PRSS23: variants seen among roughly 807,000 people sequenced by gnomAD.
PRSS23 encodes serine protease 23.
In PRSS23, 25 loss-of-function variants were observed where a neutral mutation model predicts 34.7. The observed-to-expected ratio is 0.72, with a 90% CI of 0.53 to 1.01. PRSS23 has a LOEUF of 1.01. Among genes scored for constraint, PRSS23 ranks in the 50% least tolerant of loss-of-function variants. The pLI is 0.00. For synonymous variants in PRSS23, 176 were observed against 186.6 expected (o/e 0.94, Z 0.46); for missense variants, 445 against 475.6 (o/e 0.94, Z 0.60).
chr11:86,911,800 C>T (rs2134994169), intron 2 of PRSS23: 1 of 152,578 alleles, frequency 6.6e-6, no homozygotes, highest in African/African-American at 2.4e-5. Flanking sequence ...GTGACAGGGT[C>T]TTGCTCTGTT....
At chr11:86,861,384 T>A (rs897226627) in intron 2 of PRSS23, among the ~76,000 whole-genome samples, 1 of 151,880 alleles carries the variant, frequency 6.6e-6, no homozygotes, top group African/African-American at 2.4e-5. Flanking sequence ...GTTTGCAATA[T>A]CCAGGAAGGG....
intron 2 of PRSS23, among the ~76,000 whole-genome samples, chr11:86,891,139 CTG>C (rs1422656220): frequency 6.6e-6 from 1 of 152,166 alleles, no homozygotes; most frequent in Non-Finnish European, 1.5e-5. Context: ...TGTAATCAGA[CTG>C]AGCCTGTGAG....
At chr11:86,796,210 A>G (rs552695875), upstream of PRSS23, among the ~76,000 whole-genome samples, 5 of 152,324 alleles carry the variant, frequency 3.3e-5, no homozygotes, top group East Asian at 9.7e-4. Flanking sequence ...CAGCAAAAGA[A>G]TGGGGCAGAC....
chr11:86,949,964 C>T (rs1354363956), intron 2 of PRSS23: 1 of 152,382 alleles, frequency 6.6e-6, no homozygotes, highest in African/African-American at 2.4e-5. Context: ...CTAAGTAGAC[C>T]AGATTCTGAT....
At chr11:86,864,986 A>C (rs530715469) in intron 2 of PRSS23, among the ~76,000 whole-genome samples, 1 of 152,230 alleles carries the variant, frequency 6.6e-6, no homozygotes, top group Non-Finnish European at 1.5e-5. Context: ...TCATTTTGCC[A>C]TCTGAAAATG....
chr11:86,818,215 A>G (rs1277975795), intron 1 of PRSS23, among the ~76,000 whole-genome samples: 1 of 152,246 alleles, frequency 6.6e-6, no homozygotes, highest in Non-Finnish European at 1.5e-5. Flanking sequence ...TATCATCAGT[A>G]CAAGTATAAA....
At chr11:86,937,196 T>A (rs1174612703) in intron 2 of PRSS23, 2 of 152,244 alleles carry the variant, frequency 1.3e-5, no homozygotes, top group East Asian at 3.8e-4. Context: ...TAATCAGTGG[T>A]ATTTAATCTT....
At chr11:86,894,995 T>C (rs1281087351) in intron 2 of PRSS23, among the ~76,000 whole-genome samples, 1 of 152,192 alleles carries the variant, frequency 6.6e-6, no homozygotes, top group African/African-American at 2.4e-5. Context: ...ATCTAGTATT[T>C]TTCCTCCCCT....
chr11:86,949,736 C>T (rs1231172889), intron 2 of PRSS23: 1 of 152,688 alleles, frequency 6.5e-6, no homozygotes, highest in African/African-American at 2.4e-5. Context: ...GTTTGCAGTT[C>T]ATTTCATATG....
chr11:86,800,351 C>A (rs1948015354), upstream of PRSS23: 1 of 725,346 alleles, frequency 1.4e-6, no homozygotes, highest in South Asian at 6.1e-5. Flanking sequence ...GGACGCTCGG[C>A]CTCAGGCCCT....
intron 2 of PRSS23, chr11:86,934,062 T>C (rs749870917): frequency 6.6e-6 from 1 of 152,240 alleles, no homozygotes; most frequent in Non-Finnish European, 1.5e-5. Context: ...TGTCACACTC[T>C]ATTTTTCAAA....
At chr11:86,900,242 C>G (rs1052823216) in intron 2 of PRSS23, among the ~76,000 whole-genome samples, 1 of 152,192 alleles carries the variant, frequency 6.6e-6, no homozygotes, top group African/African-American at 2.4e-5. Flanking sequence ...ATTGTAGACA[C>G]TTTGCACTTG....
intron 2 of PRSS23, among the ~76,000 whole-genome samples, chr11:86,887,270 T>G (rs1948808625): frequency 6.6e-6 from 1 of 152,104 alleles, no homozygotes; most frequent in African/African-American, 2.4e-5. Context: ...AGGTGGGGAC[T>G]GGGTTCTTGA....
At chr11:86,862,610 T>C (rs1948623755) in intron 2 of PRSS23, among the ~76,000 whole-genome samples, 1 of 151,764 alleles carries the variant, frequency 6.6e-6, no homozygotes, top group South Asian at 2.1e-4. Flanking sequence ...GTAAACCCTG[T>C]AATAGTATTT....
exon 3 of PRSS23, chr11:86,952,282 G>A (rs865876414): frequency 6.2e-7 from 1 of 1,614,180 alleles, no homozygotes. Context: ...GCCCTTCCAT[G>A]CACATGTGGT....
upstream of PRSS23, among the ~76,000 whole-genome samples, chr11:86,798,948 G>A (rs1434127696): frequency 6.6e-6 from 1 of 152,156 alleles, no homozygotes; most frequent in Non-Finnish European, 1.5e-5. Flanking sequence ...GCCCACTTTG[G>A]TCTTCCAAAG....
intron 2 of PRSS23, among the ~76,000 whole-genome samples, chr11:86,824,330 A>AAAATAAAAT (rs369196890): frequency 2.3e-5 from 3 of 133,150 alleles, no homozygotes; most frequent in African/African-American, 8.7e-5. Flanking sequence ...AAATAAAAAT[A>AAAATAAAAT]AAAATAAAAT....
upstream of PRSS23, chr11:86,800,435 C>T: frequency 1.0e-6 from 1 of 982,130 alleles, no homozygotes; most frequent in Non-Finnish European, 1.2e-6. Context: ...TGCAGTGGGG[C>T]GGGCGGCGTC....
chr11:86,864,853 G>T (rs969481180), intron 2 of PRSS23, among the ~76,000 whole-genome samples: 1 of 152,144 alleles, frequency 6.6e-6, no homozygotes, highest in Non-Finnish European at 1.5e-5. Flanking sequence ...TCAACAGCTA[G>T]CATCTTCCAG....
Sources: gnomAD v4.1 joint callset for allele counts (sites outside exome capture counted in the v4.1 genomes callset) on GRCh38, gnomAD v4.1.1 for gene constraint, MANE v1.5 for transcripts, NCBI Gene and HGNC (gene_info 2026-07-23, HGNC 2026-07-21) for gene names.